SLC39A10: variants seen among roughly 807,000 people sequenced by gnomAD.
SLC39A10 encodes the protein zinc transporter ZIP10.
Under a neutral mutation model 65.1 loss-of-function variants are expected in SLC39A10, and 13 were observed. That is an observed-to-expected ratio of 0.20 (90% CI 0.13 to 0.32). SLC39A10 has a LOEUF of 0.32. SLC39A10 is among the 10% of genes least tolerant of loss of function. The pLI, the probability that SLC39A10 is intolerant of heterozygous loss-of-function variation, is 1.00. For synonymous variants in SLC39A10, 321 were observed against 342.2 expected (o/e 0.94, Z 0.68); for missense variants, 831 against 1,018.4 (o/e 0.82, Z 2.50).
At chr2:195,669,116 G>A (rs989429216) in intron 1 of SLC39A10, among the ~76,000 whole-genome samples, 4 of 151,024 alleles carry the variant, frequency 2.6e-5, no homozygotes, top group Admixed American at 6.6e-5. Flanking sequence ...GGCCTCTCCA[G>A]CAGTTGGAAC....
intron 3 of SLC39A10, among the ~76,000 whole-genome samples, chr2:195,691,028 G>A (rs1020691400): frequency 3.3e-5 from 5 of 151,950 alleles, no homozygotes; most frequent in African/African-American, 7.3e-5. Context: ...CTGAGTCCCC[G>A]AAGTTCATTG....
chr2:195,706,761 C>T lies in SLC39A10; in HGVS notation c.1362C>T (p.Asp454=), dbSNP rs200812627. The T allele has an allele frequency of 1.2e-4, 186 of 1,567,124 alleles. No individual in the cohort carries two copies. In the East Asian group the frequency reaches 2.9e-3, roughly 24 times the overall value. Residue 454 remains aspartate (D), a synonymous_variant, in exon 4 of 10, where the codon GAC becomes GAT. Transcript: ENST00000359634. ...VALAVGTMSG[D]ALLHLLPHSQ... The stretch of plus-strand genomic sequence containing the variant: ...TAGCTGTAGGAACAATGAGTGGAGA[C>T]GCCCTTCTTCATCTACTGCCCCATG...
intron 2 of SLC39A10, among the ~76,000 whole-genome samples, chr2:195,631,278 T>A (rs1019315439): frequency 6.6e-6 from 1 of 151,782 alleles, no homozygotes; most frequent in African/African-American, 2.4e-5. Flanking sequence ...AAAAATAGAA[T>A]ATATATACAG....
intron 2 of SLC39A10, among the ~76,000 whole-genome samples, chr2:195,616,660 G>C (rs1393588805): frequency 1.3e-5 from 2 of 149,764 alleles, no homozygotes; most frequent in Non-Finnish European, 3.0e-5. Flanking sequence ...CTGGAGTGCA[G>C]TGGTGCCATC....
At chr2:195,716,426 A>G (rs990588042) in intron 6 of SLC39A10, among the ~76,000 whole-genome samples, 1 of 151,892 alleles carries the variant, frequency 6.6e-6, no homozygotes, top group Non-Finnish European at 1.5e-5. Context: ...TTGTGTGTGT[A>G]TGTTTGTTTT....
chr2:195,713,929 G>T (rs187494079), intron 6 of SLC39A10, among the ~76,000 whole-genome samples: 57 of 146,650 alleles, frequency 3.9e-4, no homozygotes, highest in African/African-American at 1.5e-3. Context: ...GCATGACAAA[G>T]ACTTTTTTTT....
At chr2:195,662,732 TA>T (rs1224688553) in intron 1 of SLC39A10, among the ~76,000 whole-genome samples, 4 of 151,932 alleles carry the variant, frequency 2.6e-5, no homozygotes, top group East Asian at 1.9e-4. Context: ...ATTGGCACTT[TA>T]AAAAAAAATC....
chr2:195,683,602 A>T, intron 2 of SLC39A10, 97 bp from the exon 3 acceptor site: 1 of 882,014 alleles, frequency 1.1e-6, no homozygotes, highest in South Asian at 1.7e-5. Context: ...ATTATTTGCA[A>T]GTAATATTTA....
At position 195,708,788 on chromosome 2, in the gene SLC39A10, T is replaced by C. The variant is rs138196709; in HGVS notation, c.1519T>C (p.Leu507=). 1.9e-6 allele frequency: 3 copies of C among 1,613,112 alleles called. No individual in the cohort carries two copies. The African/African-American group carries it at 4.0e-5, about 22-fold the overall frequency. The change falls in exon 5 of 10, where the codon TTG becomes CTG. Residue 507 remains leucine (L), a synonymous_variant. Transcript: ENST00000359634. ...KGLVALGGIY[L]LFIIEHCIRM... is the part of the protein sequence containing the mutation. Reference sequence around the variant, plus strand: ...ACTTGTTGCTCTAGGAGGCATTTACTTGCTATTTATCATTGAACACTGCAT... The same window carrying C: ...ACTTGTTGCTCTAGGAGGCATTTACCTGCTATTTATCATTGAACACTGCAT...
chr2:195,620,803 A>T (rs549330018), intron 2 of SLC39A10, among the ~76,000 whole-genome samples: 10 of 152,214 alleles, frequency 6.6e-5, no homozygotes, highest in Non-Finnish European at 1.0e-4. Context: ...AAAGGAATGT[A>T]TCCAATCAAA....
At chr2:195,733,336 T>G (rs553500822) in intron 9 of SLC39A10, among the ~76,000 whole-genome samples, 4 of 152,314 alleles carry the variant, frequency 2.6e-5, no homozygotes, top group African/African-American at 7.2e-5. Context: ...AAATTGGAAG[T>G]AGCAATTCCT....
intron 5 of SLC39A10, among the ~76,000 whole-genome samples, chr2:195,710,949 A>G (rs907997736): frequency 2.0e-5 from 3 of 152,192 alleles, no homozygotes; most frequent in African/African-American, 4.8e-5. Flanking sequence ...TGACTGCAGA[A>G]TAATTCAAAA....
rs1452289900 is a variant in SLC39A10, at chr2:195,621,657, G to T, written c.-12+15424G>T. Among the ~76,000 whole-genome samples, 4 of 152,214 alleles carry T rather than the reference G, an allele frequency of 2.6e-5. No individual in the cohort carries two copies. The East Asian group carries it at 5.8e-4, about 22-fold the overall frequency. ...TAGAATTAGGGAGAAAAGGTCCAGA[G>T]CCAGCACTGTTGGAACAGATCATTT... On this transcript the variant is annotated intron_variant, in intron 2 of 2. Transcript: ENST00000458054.
chr2:195,685,711 C>T (rs1690498806), intron 3 of SLC39A10, among the ~76,000 whole-genome samples: 1 of 152,142 alleles, frequency 6.6e-6, no homozygotes, highest in African/African-American at 2.4e-5. Context: ...TGTTCCCTTC[C>T]TTGACATCTC....
intron 1 of SLC39A10, among the ~76,000 whole-genome samples, chr2:195,669,903 G>A (rs1689786040): frequency 1.3e-5 from 2 of 152,180 alleles, no homozygotes; most frequent in African/African-American, 2.4e-5. Flanking sequence ...ACTCACACCT[G>A]TAATCCCACC....
chr2:195,643,631 AG>A (rs1409302757), intron 2 of SLC39A10, among the ~76,000 whole-genome samples: 1 of 152,246 alleles, frequency 6.6e-6, no homozygotes, highest in African/African-American at 2.4e-5. Flanking sequence ...GCCAAGCTGC[AG>A]TAGTTTGGGG....
rs1475104714 is a variant in SLC39A10 at position 195,737,004 on chromosome 2, A to T, written c.*1963A>T. 1 of 150,652 alleles carries T rather than the reference A, an allele frequency of 6.6e-6. No homozygotes were observed. Among genetic ancestry groups the T allele is most frequent in the Non-Finnish European group, 1.5e-5 (1 of 67,506 alleles). 9.3% of individuals were successfully genotyped at this position (150,652 alleles called of 1,614,324 possible). The stretch of plus-strand genomic sequence containing the variant: ...TTCATTTTAGAACCTTTATAAAAGC[A>T]ATAGCTGGAATATACTCCCAGTTTT... On this transcript the variant is annotated 3_prime_UTR_variant, in exon 10 of 10. Transcript: ENST00000359634.
intron 1 of SLC39A10, chr2:195,657,654 G>A (rs969602637): frequency 3.1e-6 from 3 of 983,118 alleles, no homozygotes; most frequent in Non-Finnish European, 3.6e-6. Context: ...GGGAGTGACC[G>A]CTGGGCGGGT....
intron 1 of SLC39A10, among the ~76,000 whole-genome samples, chr2:195,679,179 C>CT (rs1188880582): frequency 1.3e-5 from 2 of 152,160 alleles, no homozygotes; most frequent in Non-Finnish European, 2.9e-5. Context: ...GTTCTGGACA[C>CT]TTTATCATTT....
Sources: allele counts gnomAD v4.1 joint callset (sites outside exome capture counted in the v4.1 genomes callset), GRCh38; gene constraint gnomAD v4.1.1; transcripts MANE v1.5; gene names NCBI Gene and HGNC (gene_info 2026-07-23, HGNC 2026-07-21).